The following ZFHX3 variants were observed in gnomAD, a reference collection of about 807,000 sequenced individuals.
ZFHX3 encodes the protein zinc finger homeobox 3.
Under a neutral mutation model 279.1 loss-of-function variants are expected in ZFHX3, and 42 were observed. The ratio of observed to expected loss-of-function variants is 0.15; its 90% CI spans 0.12 to 0.19. ZFHX3 has a LOEUF of 0.19. ZFHX3 is among the 10% of genes least tolerant of loss of function. The pLI is 1.00. For synonymous variants in ZFHX3, 2,293 were observed against 1,957.8 expected, an observed-to-expected ratio of 1.17 and a Z score of -4.52; for missense variants, 4,981 against 4,754.0, an observed-to-expected ratio of 1.05 and a Z score of -1.40.
intron 9 of ZFHX3, chr16:72,791,576 G>C (rs1597231709): frequency 1.3e-5 from 2 of 152,210 alleles, no homozygotes; most frequent in African/African-American, 4.8e-5. Context: ...CTGGCCCTCA[G>C]ATTTCTCATC....
chr16:73,209,191 T>A (rs908154307), intron 5 of ZFHX3, among the ~76,000 whole-genome samples: 1 of 152,202 alleles, frequency 6.6e-6, no homozygotes, highest in Non-Finnish European at 1.5e-5. Context: ...AAAAATTCAT[T>A]TAAAACTAAG....
intron 1 of ZFHX3, among the ~76,000 whole-genome samples, chr16:73,022,414 G>A (rs565515246): frequency 1.3e-5 from 2 of 152,210 alleles, no homozygotes; most frequent in East Asian, 1.9e-4. Flanking sequence ...AGAAGAATAC[G>A]GAGCCGGGAG....
Position 73,004,696 on chromosome 16 carries a change from G to A in ZFHX3, c.-50+43056C>T, listed in dbSNP as rs373663694. Among the ~76,000 whole-genome samples, 11 of 152,204 alleles carry A rather than the reference G, an allele frequency of 7.2e-5. No homozygotes were observed. In the East Asian group the frequency reaches 2.1e-3, roughly 29 times the overall value. On this transcript the variant is annotated intron_variant, in intron 1 of 9. Transcript: ENST00000268489. ...CATGTGCTCTAAACACCTTTTCACA[G>A]TTTGTCATATGCCTTAAAATTTTGT...
rs964548281 is a variant in ZFHX3 at position 73,569,797 on chromosome 16, C to T, written c.-1547+110383G>A. Among the ~76,000 whole-genome samples, 8 of 152,136 alleles carry T rather than the reference C, an allele frequency of 5.3e-5. No individual in the cohort carries two copies. In the East Asian group the frequency reaches 1.5e-3, roughly 29 times the overall value. On this transcript the variant is annotated intron_variant, in intron 2 of 17. Coordinates refer to the ZFHX3 transcript ENST00000641206. Reference sequence around the variant, plus strand: ...CAGGGCCGGAAGAGCACACAGATGCCAGGATGGAGCTCAAGAACAGTTAAT... The same window carrying T: ...CAGGGCCGGAAGAGCACACAGATGCTAGGATGGAGCTCAAGAACAGTTAAT...
At chr16:73,784,473 G>A (rs1319447149) in intron 1 of ZFHX3, among the ~76,000 whole-genome samples, 6 of 152,016 alleles carry the variant, frequency 3.9e-5, no homozygotes, top group Non-Finnish European at 5.9e-5. Context: ...TTTTGGCTGG[G>A]CGCAGTGGCT....
chr16:73,108,114 T>A (rs1406987530), intron 7 of ZFHX3, among the ~76,000 whole-genome samples: 1 of 152,066 alleles, frequency 6.6e-6, no homozygotes, highest in South Asian at 2.1e-4. Flanking sequence ...TGAGCCGAGA[T>A]TGTGCCACTG....
intron 1 of ZFHX3, among the ~76,000 whole-genome samples, chr16:73,757,504 T>C (rs2053822266): frequency 2.0e-5 from 3 of 152,172 alleles, no homozygotes; most frequent in Admixed American, 6.5e-5. Context: ...TCTCTCCCCA[T>C]GAGGACAGTA....
chr16:73,873,265 T>C (rs183605716), intron 1 of ZFHX3, among the ~76,000 whole-genome samples: 4 of 10,996 alleles, frequency 3.6e-4, no homozygotes, highest in Non-Finnish European at 5.1e-4. Flanking sequence ...CGGTGGATGG[T>C]GGTGGTGGTG....
chr16:73,667,694 G>C (rs1332059055), intron 2 of ZFHX3, among the ~76,000 whole-genome samples: 3 of 152,214 alleles, frequency 2.0e-5, no homozygotes, highest in Admixed American at 2.0e-4. Flanking sequence ...ATCAGTAAAA[G>C]TTTAGCACTA....
intron 1 of ZFHX3, among the ~76,000 whole-genome samples, chr16:73,863,991 A>G (rs1961949361): frequency 6.6e-6 from 1 of 152,218 alleles, no homozygotes; most frequent in African/African-American, 2.4e-5. Context: ...ACTTACGAAT[A>G]GTAATTCCAG....
At chr16:73,492,877 C>T (rs1293711735) in intron 2 of ZFHX3, among the ~76,000 whole-genome samples, 1 of 152,120 alleles carries the variant, frequency 6.6e-6, no homozygotes, top group Non-Finnish European at 1.5e-5. Context: ...AGCTGGTGAC[C>T]AACCATGACT....
chr16:73,633,232 T>G (rs527633523), intron 2 of ZFHX3, among the ~76,000 whole-genome samples: 1 of 152,284 alleles, frequency 6.6e-6, no homozygotes, highest in African/African-American at 2.4e-5. Flanking sequence ...AGATCGAAAT[T>G]GAGAAGGAGA....
At chr16:73,414,304 A>G (rs1236687381) in intron 3 of ZFHX3, among the ~76,000 whole-genome samples, 2 of 152,268 alleles carry the variant, frequency 1.3e-5, no homozygotes, top group African/African-American at 4.8e-5. Flanking sequence ...TTATTGCTGC[A>G]TCACAGATTA....
chr16:73,784,904 G>A (rs967098002), intron 1 of ZFHX3, among the ~76,000 whole-genome samples: 10 of 150,342 alleles, frequency 6.7e-5, no homozygotes, highest in Non-Finnish European at 1.0e-4. Context: ...CATGCTTCAC[G>A]TTCTTCCCAC....
intron 5 of ZFHX3, among the ~76,000 whole-genome samples, chr16:73,176,897 G>T (rs1345512638): frequency 6.6e-6 from 1 of 151,978 alleles, no homozygotes; most frequent in African/African-American, 2.4e-5. Context: ...TAAGCATAAA[G>T]GAAAGTGCCT....
chr16:72,861,023 C>T (rs2037877245), intron 4 of ZFHX3, among the ~76,000 whole-genome samples: 1 of 152,132 alleles, frequency 6.6e-6, no homozygotes, highest in Non-Finnish European at 1.5e-5. Flanking sequence ...CTTACCTGGC[C>T]AACAGCAACG....
chr16:72,917,015 G>T (rs962889145), intron 3 of ZFHX3, among the ~76,000 whole-genome samples: 1 of 152,148 alleles, frequency 6.6e-6, no homozygotes, highest in East Asian at 1.9e-4. Context: ...CAGGCAGGTG[G>T]ATTGCTTGAG....
In ZFHX3 at chr16:73,632,877, C is replaced by G. The variant is rs1302235001; in HGVS notation, c.-1547+47303G>C. On this transcript the variant is annotated intron_variant, in intron 2 of 17. Transcript: ENST00000641206. ...AGATCACAAGGTCAGGAGATAGAGA[C>G]CATCCTGGCTAACACAGTGAAACCC... Among the ~76,000 whole-genome samples, 3 of 152,022 alleles carry G rather than the reference C, an allele frequency of 2.0e-5. No homozygotes were observed. In the East Asian group the frequency reaches 5.8e-4, roughly 30 times the overall value.
chr16:73,215,735 A>G (rs2012181871), intron 5 of ZFHX3, among the ~76,000 whole-genome samples: 1 of 152,178 alleles, frequency 6.6e-6, no homozygotes. Flanking sequence ...GTGTATAAGA[A>G]TTATTCATTA....
Sources: allele counts gnomAD v4.1 joint callset (sites outside exome capture counted in the v4.1 genomes callset), GRCh38; gene constraint gnomAD v4.1.1; transcripts MANE v1.5; gene names NCBI Gene and HGNC (gene_info 2026-07-23, HGNC 2026-07-21).